The following ADAP1 variants were observed in gnomAD, a reference collection of about 807,000 sequenced individuals.
The protein encoded by ADAP1 is arf-GAP with dual PH domain-containing protein 1.
ADAP1 carries 31 observed loss-of-function variants against 54.9 expected under a neutral mutation model. That is an observed-to-expected ratio of 0.56 (90% CI 0.42 to 0.76). The LOEUF is 0.76. Among genes scored for constraint, ADAP1 ranks in the 30% least tolerant of loss-of-function variants. The pLI, the probability that ADAP1 is intolerant of heterozygous loss-of-function variation, is 0.00. For missense variants in ADAP1, 535 were observed against 512.4 expected (o/e 1.04, Z -0.42); for synonymous variants, 313 against 202.6 (o/e 1.55, Z -4.63).
chr7:907,996 C>G (rs187439941), intron 4 of ADAP1, among the ~76,000 whole-genome samples: 2 of 152,114 alleles, frequency 1.3e-5, no homozygotes, highest in African/African-American at 4.8e-5. Flanking sequence ...GTCGTGGGGC[C>G]GTCTGCTGAG....
chr7:905,294 C>T lies in ADAP1; in HGVS notation c.389-122G>A, dbSNP rs569446430. 2.2e-3 allele frequency: 523 copies of T among 237,586 alleles called. 17 individuals carry two copies. The African/African-American group carries it at 0.035, about 16-fold the overall frequency. 14.7% of individuals were successfully genotyped at this position (237,586 alleles called of 1,614,324 possible). The stretch of plus-strand genomic sequence containing the variant: ...ACACGGGGGACACGGACGGGGGACA[C>T]GGACAGGGGGAGACGGACGGGGAGA... On this transcript the variant is annotated intron_variant, in intron 4 of 10. Coordinates refer to ENST00000265846, the MANE Select transcript of ADAP1 (RefSeq NM_006869.4).
Position 920,040 on chromosome 7 carries a change from C to G in ADAP1, c.316G>C (p.Glu106Gln), listed in dbSNP as rs745715521. Residue 106 changes from glutamate to glutamine, a missense_variant, in exon 4 of 11, where the codon GAG (glutamate) becomes CAG (glutamine). Glu to Gln is a conservative substitution (Grantham distance 29). Transcript: ENST00000265846. This position sits in a 1 kb window ranked among gnomAD's most constrained non-coding sequence, Gnocchi z 4.5. The stretch of plus-strand genomic sequence containing the variant: ...TCGTACTTGGCCCGGATCCACTGCT[C>G]TCGAAGGAGCCTGTGGGGAGAGGAG... The part of the protein sequence containing the change: ...PTPSDCQLLR[E>Q]QWIRAKYERQ... The G allele has an allele frequency of 6.2e-7, 1 of 1,606,556 alleles. No individual in the cohort carries two copies. The highest frequency in any genetic ancestry group is 2.2e-5 in the East Asian group (1 of 44,790).
upstream of ADAP1, chr7:955,340 T>C (rs747929123): frequency 6.5e-7 from 1 of 1,550,332 alleles, no homozygotes; most frequent in South Asian, 1.2e-5. Flanking sequence ...CAGCATCTTT[T>C]CAAATTCTTT....
intron 2 of ADAP1, among the ~76,000 whole-genome samples, chr7:928,778 T>TTCCTCAA (rs1431977814): frequency 6.6e-6 from 1 of 152,224 alleles, no homozygotes; most frequent in Non-Finnish European, 1.5e-5. Flanking sequence ...CTCTGGTGAC[T>TTCCTCAA]AACAGTCTGG....
At chr7:929,333 A>G (rs1846491247) in intron 2 of ADAP1, among the ~76,000 whole-genome samples, 1 of 151,640 alleles carries the variant, frequency 6.6e-6, no homozygotes, top group Non-Finnish European at 1.5e-5. Flanking sequence ...GACACACGCT[A>G]CAACCCAGGC....
At chr7:955,152 C>T (rs893889507), upstream of ADAP1, 15 of 695,392 alleles carry the variant, frequency 2.2e-5, no homozygotes, top group African/African-American at 2.5e-4. Flanking sequence ...CAGACGGAGC[C>T]TCCCCCTGAG....
chr7:926,856 T>A lies in ADAP1; in HGVS notation c.214-212A>T. 2 of 799,758 alleles carry A rather than the reference T, an allele frequency of 2.5e-6. No homozygotes were observed. Among genetic ancestry groups the A allele is most frequent in the Non-Finnish European group, 3.7e-6 (2 of 541,610 alleles). 49.5% of individuals were successfully genotyped at this position (799,758 alleles called of 1,614,324 possible). A position where few individuals can be genotyped will look rare whatever the true frequency, so the allele number is the denominator to read the frequency against. On this transcript the variant is annotated intron_variant, in intron 2 of 10. Transcript: ENST00000265846. This position sits in a 1 kb window ranked among gnomAD's most constrained non-coding sequence, Gnocchi z 4.6. ...CCCTGGGACAGGGAAGGAGCCAGCGTCCCTAACGACGGGGTCCCGGCAAAG... is the reference window on the plus strand; with the variant it reads ...CCCTGGGACAGGGAAGGAGCCAGCGACCCTAACGACGGGGTCCCGGCAAAG...
chr7:919,837 T>TGGGGGAGGGAGGGAGAG, intron 4 of ADAP1, 131 bp downstream of exon 4: 1 of 48,938 alleles, frequency 2.0e-5, no homozygotes, highest in Non-Finnish European at 3.4e-5. Context: ...GGGAGGGAGA[T>TGGGGGAGGGAGGGAGAG]GGGGGGAGGG....
chr7:898,550 C>A lies in ADAP1; in HGVS notation c.*371G>T. On this transcript the variant is annotated 3_prime_UTR_variant, in exon 11 of 11. Transcript: ENST00000265846. ...AGCTGCCCACCGTGCTGGCCCCAAG[C>A]AGGGCTCTGCGCTGAGGCCTGGAAG... The A allele has an allele frequency of 3.0e-6, 1 of 329,938 alleles. No homozygotes were observed. Among genetic ancestry groups the A allele is most frequent in the Non-Finnish European group, 5.8e-6 (1 of 171,220 alleles). 20.4% of individuals were successfully genotyped at this position (329,938 alleles called of 1,614,324 possible).
At chr7:929,152 C>T (rs184998334) in intron 2 of ADAP1, among the ~76,000 whole-genome samples, 57 of 152,046 alleles carry the variant, frequency 3.7e-4, no homozygotes, top group African/African-American at 1.3e-3. Flanking sequence ...ATTAGCCGGG[C>T]GTGGTGGTGC....
chr7:953,714 G>A (rs922399292), intron 1 of ADAP1, among the ~76,000 whole-genome samples: 12 of 152,218 alleles, frequency 7.9e-5, no homozygotes, highest in Non-Finnish European at 1.2e-4. Context: ...TGGAAGGGAG[G>A]GACTCCGCGC....
intron 2 of ADAP1, among the ~76,000 whole-genome samples, chr7:932,373 C>T (rs1846613046): frequency 6.7e-6 from 1 of 149,182 alleles, no homozygotes; most frequent in Non-Finnish European, 1.5e-5. Context: ...TTTCCAACAA[C>T]AGTGAACGCC....
Position 946,255 on chromosome 7 carries a change from C to T in ADAP1, c.82+8141G>A, listed in dbSNP as rs982084232. ...CCCCTGCAGGGATCCAGGCTCCCGC[C>T]GGCCGGTGGATCCCCGCCAGCGAGG... On this transcript the variant is annotated intron_variant, in intron 1 of 10. Transcript: ENST00000265846. The surrounding 1 kb of genome is among the most constrained non-coding windows in gnomAD (Gnocchi z 4.3). Among the ~76,000 whole-genome samples the T allele has an allele frequency of 1.3e-4, 20 of 152,306 alleles. No individual in the cohort carries two copies. The highest frequency in any genetic ancestry group is 1.2e-3 in the East Asian group (6 of 5,172).
Position 920,224 on chromosome 7 carries a change from C to T in ADAP1, c.306-174G>A, listed in dbSNP as rs530784841. Reference sequence around the variant, plus strand: ...AGAAATGCAGGGTCAGCCTCCTGCCCGGGACGCTTCTCACTCTGATATTAG... The same window carrying T: ...AGAAATGCAGGGTCAGCCTCCTGCCTGGGACGCTTCTCACTCTGATATTAG... On this transcript the variant is annotated intron_variant, in intron 3 of 10. Coordinates refer to ENST00000265846, the MANE Select transcript of ADAP1 (RefSeq NM_006869.4). The surrounding 1 kb of genome is among the most constrained non-coding windows in gnomAD (Gnocchi z 4.5). 8.5e-5 allele frequency among the ~76,000 whole-genome samples: 13 copies of T among 152,238 alleles called. No homozygotes were observed. The South Asian group carries it at 1.2e-3, about 15-fold the overall frequency.
chr7:905,841 A>G (rs1425496281), intron 4 of ADAP1, among the ~76,000 whole-genome samples: 1 of 51,736 alleles, frequency 1.9e-5, no homozygotes, highest in Non-Finnish European at 4.8e-5. Context: ...GGGAGAAGGG[A>G]GAAGGGAGAA....
chr7:933,491 GGCCGGGGTCAGTGGTGCTGGAGA>G (rs1332994481), intron 2 of ADAP1, among the ~76,000 whole-genome samples: 79 of 80,454 alleles, frequency 9.8e-4, no homozygotes, highest in African/African-American at 2.6e-3. Context: ...GAGAGCCGGG[GGCCGGGGTCAGTGGTGCTGGAGA>G]GCCGGGGGCC....
At position 898,760 on chromosome 7, in the gene ADAP1, G is replaced by T. The variant is rs919647989; in HGVS notation, c.*161C>A. 2 of 891,816 alleles carry T rather than the reference G, an allele frequency of 2.2e-6. No individual in the cohort carries two copies. Among genetic ancestry groups the T allele is most frequent in the Non-Finnish European group, 3.4e-6 (2 of 580,650 alleles). The allele number at this position is 891,816 out of a possible 1,614,324, so 55.2% of individuals were successfully genotyped here. A position where few individuals can be genotyped will look rare whatever the true frequency, so the allele number is the denominator to read the frequency against. ...CTGCCTGCCTTGAGGTTCCAGAGAA[G>T]CATCCTGGAAGCTGAAGCTCGGGCC... On this transcript the variant is annotated 3_prime_UTR_variant, in exon 11 of 11. Transcript: ENST00000265846.
At chr7:928,942 G>A (rs539273427) in intron 2 of ADAP1, among the ~76,000 whole-genome samples, 5 of 152,316 alleles carry the variant, frequency 3.3e-5, no homozygotes, top group African/African-American at 9.6e-5. Flanking sequence ...CTCCGTGAAC[G>A]GAACCACAGA....
chr7:898,382 G>GCCGGGA lies in ADAP1; in HGVS notation c.*533_*538dup, dbSNP rs1172426955. On this transcript the variant is annotated 3_prime_UTR_variant, in exon 11 of 11. Coordinates refer to ENST00000265846, the MANE Select transcript of ADAP1 (RefSeq NM_006869.4). ...TGTGGCAACTCCAGCCCGGGCAGGG[G>GCCGGGA]CCGGGACCTGTGTGGATAATCCACC... is the stretch of plus-strand genomic sequence containing the variant. The GCCGGGA allele has an allele frequency of 1.1e-5, 2 of 180,236 alleles. No individual in the cohort carries two copies. The highest frequency in any genetic ancestry group is 4.8e-5 in the African/African-American group (2 of 41,958). The allele number at this position is 180,236 out of a possible 1,614,324, so 11.2% of individuals were successfully genotyped here.
Sources: gnomAD v4.1 joint callset for allele counts (sites outside exome capture counted in the v4.1 genomes callset) on GRCh38, gnomAD v4.1.1 for gene constraint, Gnocchi (gnomAD v3.1) non-coding constraint, MANE v1.5 for transcripts, NCBI Gene and HGNC (gene_info 2026-07-23, HGNC 2026-07-21) for gene names.